The following HDAC7 variants were observed in gnomAD, a reference collection of about 807,000 sequenced individuals.
The protein encoded by HDAC7 is histone deacetylase 7A.
HDAC7 carries 26 observed loss-of-function variants against 115.5 expected under a neutral mutation model. The ratio of observed to expected loss-of-function variants is 0.23; its 90% CI spans 0.16 to 0.31. HDAC7 has a LOEUF of 0.31. HDAC7 is among the 10% of genes least tolerant of loss of function. The probability of loss-of-function intolerance (pLI) is 1.00; values close to 1 mark genes in which losing one functional copy is unlikely to be tolerated. For synonymous variants in HDAC7, 564 were observed against 550.9 expected (o/e 1.02, Z -0.33); for missense variants, 1,068 against 1,329.0 (o/e 0.80, Z 3.05).
At position 47,790,140 on chromosome 12, in the gene HDAC7, C is replaced by G. The variant is rs1302260365; in HGVS notation, c.1984-220G>C. ...TTAAGTCCCAGCACCAGCCCATTATCTGGCCAGCACTCTGCTGGCAGCATC... is the reference window on the plus strand; with the variant it reads ...TTAAGTCCCAGCACCAGCCCATTATGTGGCCAGCACTCTGCTGGCAGCATC... On this transcript the variant is annotated intron_variant, in intron 16 of 25. Transcript: ENST00000080059. 4 of 567,672 alleles carry G rather than the reference C, an allele frequency of 7.0e-6. No individual in the cohort carries two copies. In the East Asian group the frequency reaches 1.2e-4, roughly 17 times the overall value. 35.2% of individuals were successfully genotyped at this position (567,672 alleles called of 1,614,324 possible). A position where few individuals can be genotyped will look rare whatever the true frequency, so the allele number is the denominator to read the frequency against.
rs1413632947 is a variant in HDAC7, at chr12:47,783,343, C to T, written c.*498G>A. On this transcript the variant is annotated 3_prime_UTR_variant, in exon 26 of 26. Transcript: ENST00000080059. The stretch of plus-strand genomic sequence containing the variant: ...CTGAGGAAGCAGGTGAGAGGGACTA[C>T]CCCTGCACTCAGGAATATGGGACCT... 5.7e-6 allele frequency: 1 copy of T among 176,102 alleles called. No homozygotes were observed. Among genetic ancestry groups the T allele is most frequent in the Admixed American group, 5.4e-5 (1 of 18,448 alleles). 10.9% of individuals were successfully genotyped at this position (176,102 alleles called of 1,614,324 possible).
At position 47,797,895 on chromosome 12, in the gene HDAC7, T is replaced by TGTGTGTGTGAGA. The variant is rs35753431; in HGVS notation, c.461+212_461+213insTCTCACACACAC. On this transcript the variant is annotated intron_variant, in intron 5 of 25. Transcript: ENST00000080059. The surrounding 1 kb of genome is among the most constrained non-coding windows in gnomAD (Gnocchi z 5.5). ...GTGTGTGTGTGTGTGTGTGTGTGTG[T>TGTGTGTGTGAGA]GAGAAGGGCTCAGGTGGGGTGGGGA... Among the ~76,000 whole-genome samples, 97 of 143,454 alleles carry TGTGTGTGTGAGA rather than the reference T, an allele frequency of 6.8e-4. No homozygotes were observed. The highest frequency in any genetic ancestry group is 2.4e-3 in the African/African-American group (88 of 36,502). The allele number at this position is 143,454 out of a possible 152,430, so 94.1% of individuals were successfully genotyped here. A position where few individuals can be genotyped will look rare whatever the true frequency, so the allele number is the denominator to read the frequency against.
chr12:47,784,265 C>G, intron 24 of HDAC7, 48 bp from the exon 25 acceptor site: 1 of 1,572,186 alleles, frequency 6.4e-7, no homozygotes, highest in Non-Finnish European at 8.6e-7. Flanking sequence ...GCAAGCCCCT[C>G]CACACTGCGT....
chr12:47,805,711 C>T (rs941905296), intron 1 of HDAC7, among the ~76,000 whole-genome samples: 1 of 152,170 alleles, frequency 6.6e-6, no homozygotes, highest in Non-Finnish European at 1.5e-5. Flanking sequence ...CTTTAGAGAT[C>T]GTTCAGACCA....
intron 2 of HDAC7, among the ~76,000 whole-genome samples, chr12:47,801,762 G>T (rs1399788794): frequency 1.3e-5 from 2 of 152,202 alleles, no homozygotes; most frequent in Non-Finnish European, 2.9e-5. Context: ...CAGCAGAGGA[G>T]GCTCGGGCCA....
chr12:47,797,034 G>GGCC lies in HDAC7; in HGVS notation c.683_685dup (p.Arg228dup), dbSNP rs1375091936. ...GCCCTCACCTCCGAGGGTCTCTGCG[G>GGCC]GCCGCCGCCGGAGGCTGGGGGGCGC... On this transcript the variant is annotated inframe_insertion, in exon 7 of 26. Transcript: ENST00000080059. The surrounding 1 kb of genome is among the most constrained non-coding windows in gnomAD (Gnocchi z 5.5). 6 of 1,573,714 alleles carry GGCC rather than the reference G, an allele frequency of 3.8e-6. No homozygotes were observed. Among genetic ancestry groups the GGCC allele is most frequent in the Non-Finnish European group, 5.2e-6 (6 of 1,162,998 alleles).
Position 47,787,781 on chromosome 12 carries a change from T to C in HDAC7, c.2384A>G (p.Asn795Ser), listed in dbSNP as rs1943251422. The C allele has an allele frequency of 6.2e-7, 1 of 1,613,060 alleles. No homozygotes were observed. The highest frequency in any genetic ancestry group is 8.5e-7 in the Non-Finnish European group (1 of 1,179,682). The change falls in exon 21 of 26, where the codon AAT (asparagine) becomes AGT (serine). Residue 795 changes from asparagine to serine, a missense_variant. Asn to Ser is a conservative substitution (Grantham distance 46). This residue lies in a region of HDAC7 where 182 missense variants were observed against 301.1 expected (regional missense o/e 0.60). Coordinates refer to ENST00000080059, the MANE Select transcript of HDAC7 (RefSeq NM_015401.5). The stretch of plus-strand genomic sequence containing the variant: ...ACCTCCAGCCCAGGCCACATTGACA[T>C]TGAAGCCCTCACCGCTGCCAGCCCC... ...EVGAGSGEGF[N>S]VNVAWAGGLD...
Position 47,791,284 on chromosome 12 carries a change from A to G in HDAC7, c.1958T>C (p.Val653Ala). 6.2e-7 allele frequency: 1 copy of G among 1,601,620 alleles called. No homozygotes were observed. Residue 653 changes from valine (V) to alanine (A), a missense_variant, in exon 16 of 26, where the codon GTG becomes GCG. Around this residue, in one of 6 missense-constraint regions of HDAC7, gnomAD observed 618 missense variants for 701.5 expected, o/e 0.88. Transcript: ENST00000080059. The stretch of plus-strand genomic sequence containing the variant: ...CCCAACCCCACCACAGGGCAGCATC[A>G]CAAACATCCGCTGTGCCAGGAGCCC... ...LAGLLAQRMF[V>A]MLPCGGVGVD...
intron 19 of HDAC7, chr12:47,789,003 G>T: frequency 6.1e-6 from 3 of 489,904 alleles, no homozygotes; most frequent in Non-Finnish European, 1.1e-5. Flanking sequence ...GCCAATAGAG[G>T]TCAAAAGACA....
chr12:47,818,956 G>A (rs769777556), intron 1 of HDAC7, among the ~76,000 whole-genome samples: 4 of 152,196 alleles, frequency 2.6e-5, no homozygotes, highest in Non-Finnish European at 5.9e-5. Context: ...AGAAACTCTG[G>A]TCGTGGGAAC....
At position 47,792,017 on chromosome 12, in the gene HDAC7, G is replaced by A. The variant is rs780522327; in HGVS notation, c.1679-13C>T. ...TCATAGATCAGCCCTGCAGGAGCAA[G>A]GGTCAGAGCGGGGACCCAGGGAGTC... On this transcript the variant is annotated splice_polypyrimidine_tract_variant and intron_variant, in intron 13 of 25. Transcript: ENST00000080059. 6.3e-7 allele frequency: 1 copy of A among 1,594,120 alleles called. No homozygotes were observed. Among genetic ancestry groups the A allele is most frequent in the Non-Finnish European group, 8.6e-7 (1 of 1,166,866 alleles).
At chr12:47,787,874 T>A (rs1180565314) in intron 20 of HDAC7, 65 bp from the exon 21 acceptor site, 69 of 1,542,642 alleles carry the variant, frequency 4.5e-5, no homozygotes, top group Non-Finnish European at 5.9e-5. Flanking sequence ...CACCAGTTTG[T>A]TAGAGCTGCC....
rs777332411 is a variant in HDAC7 at position 47,785,596 on chromosome 12, G to C, written c.2707-125C>G. On this transcript the variant is annotated intron_variant, in intron 23 of 25. Coordinates refer to ENST00000080059, the MANE Select transcript of HDAC7 (RefSeq NM_015401.5). ...TACCTAGGCCAGGAGATGCTGCCTG[G>C]ACCTAACTTGGAACAGAGGCTTCCG... 5 of 1,371,444 alleles carry C rather than the reference G, an allele frequency of 3.6e-6. 1 individual carries two copies. Among genetic ancestry groups the C allele is most frequent in the Non-Finnish European group, 5.0e-6 (5 of 1,003,298 alleles). 85.0% of individuals were successfully genotyped at this position (1,371,444 alleles called of 1,614,324 possible). A position where few individuals can be genotyped will look rare whatever the true frequency, so the allele number is the denominator to read the frequency against.
At chr12:47,805,989 C>A (rs1944385502) in intron 1 of HDAC7, among the ~76,000 whole-genome samples, 1 of 152,196 alleles carries the variant, frequency 6.6e-6, no homozygotes, top group East Asian at 1.9e-4. Context: ...CTTGCAGATA[C>A]TAAAAAAAAT....
At position 47,793,851 on chromosome 12, in the gene HDAC7, G is replaced by C. The variant is rs1943662669; in HGVS notation, c.1459-263C>G. ...TGGGGCTCCAAAGCCAGGAACCAGG[G>C]GAGGGGCGCTGGATCTTGTGCTGAC... On this transcript the variant is annotated intron_variant, in intron 12 of 25. Coordinates refer to ENST00000080059, the MANE Select transcript of HDAC7 (RefSeq NM_015401.5). This position sits in a 1 kb window ranked among gnomAD's most constrained non-coding sequence, Gnocchi z 4.5. 6.6e-6 allele frequency among the ~76,000 whole-genome samples: 1 copy of C among 152,174 alleles called. No homozygotes were observed. Among genetic ancestry groups the C allele is most frequent in the African/African-American group, 2.4e-5 (1 of 41,416 alleles).
rs35753431 is a variant in HDAC7, at chr12:47,797,895, T to TGTGA, written c.461+212_461+213insTCAC. On this transcript the variant is annotated intron_variant, in intron 5 of 25. Coordinates refer to ENST00000080059, the MANE Select transcript of HDAC7 (RefSeq NM_015401.5). This position sits in a 1 kb window ranked among gnomAD's most constrained non-coding sequence, Gnocchi z 5.5. ...GTGTGTGTGTGTGTGTGTGTGTGTG[T>TGTGA]GAGAAGGGCTCAGGTGGGGTGGGGA... Among the ~76,000 whole-genome samples the TGTGA allele has an allele frequency of 9.6e-3, 1,371 of 143,424 alleles. 14 individuals are homozygous for TGTGA. Among genetic ancestry groups the TGTGA allele is most frequent in the Middle Eastern group, 0.018 (5 of 284 alleles). 94.1% of individuals were successfully genotyped at this position (143,424 alleles called of 152,430 possible). A position where few individuals can be genotyped will look rare whatever the true frequency, so the allele number is the denominator to read the frequency against.
intron 1 of HDAC7, among the ~76,000 whole-genome samples, chr12:47,804,459 G>A (rs922032840): frequency 1.3e-5 from 2 of 151,256 alleles, no homozygotes; most frequent in Non-Finnish European, 2.9e-5. Flanking sequence ...TGGCTTGAGT[G>A]TGGGACCTCT....
Position 47,785,465 on chromosome 12 carries a change from G to C in HDAC7, c.2713C>G (p.Pro905Ala), listed in dbSNP as rs1943124292. 8 of 1,612,190 alleles carry C rather than the reference G, an allele frequency of 5.0e-6. No homozygotes were observed. Among genetic ancestry groups the C allele is most frequent in the Non-Finnish European group, 6.8e-6 (8 of 1,179,106 alleles). ...VAALLGNRVDPLSEEGWKQKP... is the reference protein window; with the variant it reads ...VAALLGNRVDALSEEGWKQKP... ...TGTTTCCAGCCTTCTTCTGAAAGGG[G>C]ATCCACCTATAGAAAACAGTACATC... is the stretch of plus-strand genomic sequence containing the variant. The change falls in exon 24 of 26, where the codon CCC becomes GCC. Residue 905 changes from proline to alanine, a missense_variant. By Grantham distance (27) the Pro-to-Ala change is conservative. Coordinates refer to ENST00000080059, the MANE Select transcript of HDAC7 (RefSeq NM_015401.5).
At position 47,797,490 on chromosome 12, in the gene HDAC7, C is replaced by T. The variant is rs766017612; in HGVS notation, c.471G>A (p.Glu157=). 6.2e-7 allele frequency: 1 copy of T among 1,610,624 alleles called. No homozygotes were observed. Among genetic ancestry groups the T allele is most frequent in the South Asian group, 1.1e-5 (1 of 90,644 alleles). The change falls in exon 6 of 26, where the codon GAG becomes GAA. Residue 157 remains glutamate, a synonymous_variant. Coordinates refer to ENST00000080059, the MANE Select transcript of HDAC7 (RefSeq NM_015401.5). This position sits in a 1 kb window ranked among gnomAD's most constrained non-coding sequence, Gnocchi z 5.5. ...GGGTGGCTCCTTCCGTCTCCAGGGG[C>T]TCCAGGGTTCTACAGAACGAGTGCC... The part of the protein sequence containing the change: ...NSPGIPYRTL[E]PLETEGATRS...
Sources: gnomAD v4.1 joint callset for allele counts (sites outside exome capture counted in the v4.1 genomes callset) on GRCh38, gnomAD v4.1.1 for gene constraint, gnomAD v4.1.1 regional missense constraint, Gnocchi (gnomAD v3.1) non-coding constraint, MANE v1.5 for transcripts, NCBI Gene and HGNC (gene_info 2026-07-23, HGNC 2026-07-21) for gene names.